Variants in TTC6 observed in about 807,000 individuals in gnomAD.
The protein encoded by TTC6 is tetratricopeptide repeat domain 6.
TTC6 carries 172 observed loss-of-function variants against 210.4 expected under a neutral mutation model. That is an observed-to-expected ratio of 0.82 (90% CI 0.72 to 0.93). TTC6 has a LOEUF of 0.93. Ranked by LOEUF, TTC6 falls within the 40% of genes least tolerant of loss-of-function variation. TTC6 has a pLI of 0.00. For missense variants in TTC6, 2,414 were observed against 2,318.1 expected (o/e 1.04, Z -0.85); for synonymous variants, 804 against 819.6 (o/e 0.98, Z 0.32).
intron 29 of TTC6, among the ~76,000 whole-genome samples, chr14:37,834,869 G>A (rs1413929956): frequency 1.3e-5 from 2 of 152,028 alleles, no homozygotes; most frequent in African/African-American, 4.8e-5. Flanking sequence ...AAAGTGAGTT[G>A]AATAGGGTAC....
intron 1 of TTC6, among the ~76,000 whole-genome samples, chr14:37,654,550 CCGTG>C (rs2095718536): frequency 6.6e-6 from 1 of 152,090 alleles, no homozygotes; most frequent in Non-Finnish European, 1.5e-5. Flanking sequence ...GCCTGCAGAA[CCGTG>C]AGCCAATTAA....
At chr14:37,818,812 T>G (rs777493749) in intron 26 of TTC6, among the ~76,000 whole-genome samples, 1 of 152,160 alleles carries the variant, frequency 6.6e-6, no homozygotes, top group Non-Finnish European at 1.5e-5. Context: ...ACAATCTATC[T>G]CTTTAAGTAA....
chr14:37,809,191 T>C (rs2096124544), intron 24 of TTC6, among the ~76,000 whole-genome samples: 2 of 151,876 alleles, frequency 1.3e-5, no homozygotes, highest in African/African-American at 4.8e-5. Flanking sequence ...AAGGCATTTA[T>C]AAATTAAATA....
At chr14:37,632,332 A>T (rs1205171136) in intron 1 of TTC6, among the ~76,000 whole-genome samples, 1 of 152,126 alleles carries the variant, frequency 6.6e-6, no homozygotes, top group African/African-American at 2.4e-5. Flanking sequence ...TGTTGAGGCT[A>T]TTCTTTTCTG....
intron 21 of TTC6, 90 bp downstream of exon 23, chr14:37,804,904 G>T: frequency 6.9e-7 from 1 of 1,450,926 alleles, no homozygotes; most frequent in Non-Finnish European, 9.4e-7. Flanking sequence ...CACCTATACA[G>T]TGGGCAACCG....
chr14:37,750,260 A>G lies in TTC6; in HGVS notation c.2956+417A>G, dbSNP rs78544846. Among the ~76,000 whole-genome samples, 1,105 of 152,226 alleles carry G rather than the reference A, an allele frequency of 7.3e-3. 17 individuals carry two copies. Among genetic ancestry groups the G allele is most frequent in the African/African-American group, 0.024 (1,017 of 41,542 alleles). On this transcript the variant is annotated intron_variant, in intron 12 of 30. Coordinates refer to ENST00000553443, the Ensembl canonical transcript of TTC6. ...CTTTGCTCTTATGTACTATCCTCCA[A>G]CCAACTTGAAGCACTAGACATGGAA...
At chr14:37,824,735 G>T (rs1414908823) in intron 27 of TTC6, among the ~76,000 whole-genome samples, 1 of 152,048 alleles carries the variant, frequency 6.6e-6, no homozygotes, top group African/African-American at 2.4e-5. Flanking sequence ...AGAGGTGAGA[G>T]AAAGTTTTTT....
chr14:37,840,956 C>T (rs2096208724), intron 29 of TTC6, among the ~76,000 whole-genome samples: 1 of 150,874 alleles, frequency 6.6e-6, no homozygotes. Flanking sequence ...GCAACTTCTG[C>T]CTCCCAGGTT....
intron 3 of TTC6, among the ~76,000 whole-genome samples, chr14:37,684,634 G>T (rs993971346): frequency 6.6e-6 from 1 of 152,094 alleles, no homozygotes; most frequent in Non-Finnish European, 1.5e-5. Flanking sequence ...CTTCAGAAAT[G>T]CCCTAAAATA....
At chr14:37,737,769 A>G (rs931304508) in intron 9 of TTC6, 35 bp downstream of exon 11, 1 of 1,164,846 alleles carries the variant, frequency 8.6e-7, no homozygotes, top group Admixed American at 2.7e-5. Flanking sequence ...TCTCTAAAAG[A>G]AACATTTATA....
At chr14:37,837,106 G>C (rs1166479465) in intron 29 of TTC6, among the ~76,000 whole-genome samples, 1 of 152,086 alleles carries the variant, frequency 6.6e-6, no homozygotes, top group African/African-American at 2.4e-5. Flanking sequence ...TTAATATTCT[G>C]ATACTTCAAG....
chr14:37,720,969 C>A (rs1384028692), intron 6 of TTC6, among the ~76,000 whole-genome samples: 1 of 151,226 alleles, frequency 6.6e-6, no homozygotes, highest in East Asian at 1.9e-4. Context: ...TGTCTTTGGG[C>A]TAAACTGGAT....
intron 14 of TTC6, among the ~76,000 whole-genome samples, chr14:37,785,187 A>G (rs563049298): frequency 3.3e-4 from 50 of 152,162 alleles, no homozygotes; most frequent in Non-Finnish European, 5.7e-4. Flanking sequence ...AGGTTGGGGA[A>G]GTTCTCCTGG....
At chr14:37,651,390 TATATATA>T (rs1218887413) in intron 1 of TTC6, among the ~76,000 whole-genome samples, 10 of 18,682 alleles carry the variant, frequency 5.4e-4, no homozygotes, top group Non-Finnish European at 8.2e-4. Flanking sequence ...GTTTATGTTA[TATATATA>T]TATATATATA....
chr14:37,796,111 A>G (rs1043590395), intron 18 of TTC6, among the ~76,000 whole-genome samples, 183 bp from the exon 21 acceptor site: 3 of 152,082 alleles, frequency 2.0e-5, no homozygotes, highest in African/African-American at 7.2e-5. Context: ...TTTTCTCATC[A>G]CATCACTATG....
chr14:37,654,194 A>G (rs529893646), intron 1 of TTC6, among the ~76,000 whole-genome samples: 32 of 152,236 alleles, frequency 2.1e-4, no homozygotes, highest in African/African-American at 7.7e-4. Flanking sequence ...TGAATGATTT[A>G]GCACCACCCT....
chr14:37,795,357 G>A lies in TTC6; in HGVS notation c.3791+5G>A. ...AATCCAATTATACATAAGAAGGTAT[G>A]AGCATAGAAACTGAATTCTTCTTGG... On this transcript the variant is annotated splice_donor_5th_base_variant and intron_variant, in intron 18 of 30. Transcript: ENST00000553443. The A allele has an allele frequency of 1.3e-6, 2 of 1,507,432 alleles. No homozygotes were observed. The highest frequency in any genetic ancestry group is 1.8e-6 in the Non-Finnish European group (2 of 1,128,846). The allele number at this position is 1,507,432 out of a possible 1,614,324, so 93.4% of individuals were successfully genotyped here.
At chr14:37,614,157 T>C (rs1464952906) in intron 2 of TTC6, among the ~76,000 whole-genome samples, 1 of 152,152 alleles carries the variant, frequency 6.6e-6, no homozygotes, top group African/African-American at 2.4e-5. Flanking sequence ...TTTTCATTAT[T>C]ATTCAGTCTA....
At position 37,636,994 on chromosome 14, in the gene TTC6, C is replaced by T. The variant is rs551066369; in HGVS notation, c.939+13991C>T. ...AATAGAGAACACAGAAGTGGAGCCA[C>T]ACAGATATGCCCAATTGATTTGACA... On this transcript the variant is annotated intron_variant, in intron 1 of 30. Transcript: ENST00000553443. 7.9e-5 allele frequency among the ~76,000 whole-genome samples: 12 copies of T among 152,216 alleles called. No individual in the cohort carries two copies. In the South Asian group the frequency reaches 2.3e-3, roughly 29 times the overall value.
Sources: allele counts gnomAD v4.1 joint callset (sites outside exome capture counted in the v4.1 genomes callset), GRCh38; gene constraint gnomAD v4.1.1; transcripts MANE v1.5; gene names NCBI Gene and HGNC (gene_info 2026-07-23, HGNC 2026-07-21).